PCNX1: variants seen among roughly 807,000 people sequenced by gnomAD.
PCNX1 encodes the protein pecanex 1.
PCNX1 carries 78 observed loss-of-function variants against 242.2 expected under a neutral mutation model. The observed-to-expected ratio is 0.32, with a 90% confidence interval of 0.27 to 0.39. The LOEUF is 0.39. Among genes scored for constraint, PCNX1 ranks in the 10% least tolerant of loss-of-function variants. PCNX1 has a pLI of 1.00. For missense variants in PCNX1, 2,581 were observed against 2,856.5 expected (o/e 0.90, Z 2.20); for synonymous variants, 1,024 against 1,032.9 (o/e 0.99, Z 0.17).
chr14:70,943,942 C>T (rs962164189), intron 1 of PCNX1, among the ~76,000 whole-genome samples: 2 of 152,188 alleles, frequency 1.3e-5, no homozygotes, highest in Non-Finnish European at 2.9e-5. Context: ...TGTGGATGCA[C>T]AGAAGCCAAG....
intron 26 of PCNX1, among the ~76,000 whole-genome samples, chr14:71,065,919 G>T (rs1485326243): frequency 6.6e-6 from 1 of 152,166 alleles, no homozygotes; most frequent in East Asian, 1.9e-4. Context: ...AGATCAGATG[G>T]TCGCAGATGC....
At chr14:71,059,687 C>T (rs574319738) in intron 26 of PCNX1, among the ~76,000 whole-genome samples, 296 of 152,238 alleles carry the variant, frequency 1.9e-3, no homozygotes, top group Middle Eastern at 6.8e-3. Flanking sequence ...GCCACCACAC[C>T]CAGCCGGGAT....
At chr14:71,025,185 A>G (rs1434954703) in intron 13 of PCNX1, among the ~76,000 whole-genome samples, 1 of 152,176 alleles carries the variant, frequency 6.6e-6, no homozygotes, top group Non-Finnish European at 1.5e-5. Context: ...GTAGGTATGT[A>G]TTGGTGTGGA....
At chr14:70,942,551 G>A (rs1393878566) in intron 1 of PCNX1, among the ~76,000 whole-genome samples, 1 of 152,076 alleles carries the variant, frequency 6.6e-6, no homozygotes, top group Non-Finnish European at 1.5e-5. Context: ...ATACCAGCTG[G>A]GTATCCTCCA....
At chr14:71,104,180 A>G (rs552133351) in intron 32 of PCNX1, among the ~76,000 whole-genome samples, 7 of 152,182 alleles carry the variant, frequency 4.6e-5, no homozygotes, top group African/African-American at 1.7e-4. Flanking sequence ...TATTCACATG[A>G]TTTTTTTTCT....
intron 11 of PCNX1, among the ~76,000 whole-genome samples, chr14:71,013,559 C>G (rs2059879703): frequency 6.6e-6 from 1 of 151,808 alleles, no homozygotes; most frequent in African/African-American, 2.4e-5. Flanking sequence ...TTCTGTTTCC[C>G]TGGTTCTTAA....
At chr14:71,094,664 C>A (rs1047854667) in intron 30 of PCNX1, among the ~76,000 whole-genome samples, 5 of 152,134 alleles carry the variant, frequency 3.3e-5, no homozygotes, top group Non-Finnish European at 7.4e-5. Flanking sequence ...TGATGCCTCA[C>A]GCCTGTAATC....
At chr14:71,091,053 G>A (rs1227161733) in intron 30 of PCNX1, among the ~76,000 whole-genome samples, 2 of 152,220 alleles carry the variant, frequency 1.3e-5, no homozygotes, top group African/African-American at 4.8e-5. Context: ...TATAAACAGG[G>A]AGGTGAGAAT....
chr14:71,016,434 CAA>C (rs2059963795), intron 11 of PCNX1, among the ~76,000 whole-genome samples: 1 of 152,108 alleles, frequency 6.6e-6, no homozygotes, highest in Non-Finnish European at 1.5e-5. Context: ...GCATCCATAA[CAA>C]GAGAATATAC....
intron 9 of PCNX1, 91 bp downstream of exon 9, chr14:71,009,815 T>G (rs1474190138): frequency 7.6e-6 from 5 of 654,288 alleles, no homozygotes; most frequent in Non-Finnish European, 1.2e-5. Flanking sequence ...AGTTAATTTT[T>G]TTGTTTTTTA....
chr14:70,933,031 C>CA (rs1226490405), intron 1 of PCNX1, among the ~76,000 whole-genome samples: 1 of 151,790 alleles, frequency 6.6e-6, no homozygotes, highest in Non-Finnish European at 1.5e-5. Flanking sequence ...GGGAAGACAC[C>CA]AAAAAACATG....
intron 5 of PCNX1, among the ~76,000 whole-genome samples, chr14:70,975,709 C>T (rs2058669653): frequency 6.6e-6 from 1 of 151,848 alleles, no homozygotes. Flanking sequence ...TAAAAATCAG[C>T]TATTTTGCAG....
At chr14:70,952,594 A>G (rs923758394) in intron 2 of PCNX1, among the ~76,000 whole-genome samples, 1 of 151,686 alleles carries the variant, frequency 6.6e-6, no homozygotes, top group Non-Finnish European at 1.5e-5. Context: ...TTTTTTTTGC[A>G]CAGTATATTA....
At chr14:71,105,171 G>T in intron 32 of PCNX1, 64 bp from the exon 33 acceptor site, 1 of 1,247,960 alleles carries the variant, frequency 8.0e-7, no homozygotes, top group East Asian at 2.3e-5. Context: ...GCTGGAAAAA[G>T]AATAAAATAC....
intron 9 of PCNX1, 105 bp downstream of exon 9, chr14:71,009,829 T>C: frequency 2.0e-6 from 1 of 508,960 alleles, no homozygotes; most frequent in Non-Finnish European, 3.3e-6. Context: ...TTTTTTATAA[T>C]TTAATGTTGT....
chr14:71,110,051 C>G lies in PCNX1; in HGVS notation c.*116C>G, dbSNP rs773649335. 21 of 935,738 alleles carry G rather than the reference C, an allele frequency of 2.2e-5. No homozygotes were observed. The highest frequency in any genetic ancestry group is 2.9e-5 in the Non-Finnish European group (17 of 576,608). 58.0% of individuals were successfully genotyped at this position (935,738 alleles called of 1,614,324 possible). On this transcript the variant is annotated 3_prime_UTR_variant, in exon 36 of 36. Transcript: ENST00000304743. ...TCACTTTGATCCTATGTGGGAGCGA[C>G]TGAAAATAGAATGAGCTTGGTTAAG...
At chr14:71,105,709 T>A (rs2062595631) in intron 33 of PCNX1, among the ~76,000 whole-genome samples, 1 of 151,088 alleles carries the variant, frequency 6.6e-6, no homozygotes, top group South Asian at 2.1e-4. Flanking sequence ...GCCCGGCTAT[T>A]TTTTTGCATT....
At chr14:70,966,163 A>G (rs563051183) in intron 3 of PCNX1, among the ~76,000 whole-genome samples, 1 of 152,214 alleles carries the variant, frequency 6.6e-6, no homozygotes, top group Non-Finnish European at 1.5e-5. Context: ...GTAAATAGTC[A>G]TGATTCTTTT....
At chr14:71,092,366 C>T (rs149732135) in intron 30 of PCNX1, among the ~76,000 whole-genome samples, 57 of 152,240 alleles carry the variant, frequency 3.7e-4, no homozygotes, top group Admixed American at 1.2e-3. Context: ...CAAGAAAAAG[C>T]GACATCATTA....
Sources: gnomAD v4.1 joint callset for allele counts (sites outside exome capture counted in the v4.1 genomes callset) on GRCh38, gnomAD v4.1.1 for gene constraint, MANE v1.5 for transcripts, NCBI Gene and HGNC (gene_info 2026-07-23, HGNC 2026-07-21) for gene names.